PLEKHA7: variants seen among roughly 807,000 people sequenced by gnomAD.
PLEKHA7 encodes the protein pleckstrin homology domain-containing family A member 7.
A neutral mutation model predicts 170.0 loss-of-function variants in PLEKHA7; 104 were observed. The observed-to-expected ratio is 0.61, with a 90% CI of 0.52 to 0.72. The LOEUF is 0.72. PLEKHA7 is among the 30% of genes least tolerant of loss of function. The probability of loss-of-function intolerance (pLI) is 0.00; values close to 1 mark genes in which losing one functional copy is unlikely to be tolerated. For synonymous variants in PLEKHA7, 648 were observed against 660.8 expected (o/e 0.98, Z 0.30); for missense variants, 1,615 against 1,671.7 (o/e 0.97, Z 0.59).
At chr11:17,009,716 A>C (rs1022687458) in intron 3 of PLEKHA7, among the ~76,000 whole-genome samples, 1 of 151,946 alleles carries the variant, frequency 6.6e-6, no homozygotes, top group African/African-American at 2.4e-5. Flanking sequence ...GCTCATGGTA[A>C]ACTCAGACTC....
chr11:16,911,327 C>T lies in PLEKHA7; in HGVS notation c.222-40145G>A, dbSNP rs139215814. On this transcript the variant is annotated intron_variant, in intron 3 of 26. Transcript: ENST00000531066. ...CTGACAGGGCCAGGGAGCAGGCCAG[C>T]CATGAGACAGAAGCTAAGGGGCAGC... Among the ~76,000 whole-genome samples the T allele has an allele frequency of 6.3e-3, 965 of 152,260 alleles. 14 individuals carry two copies. Among genetic ancestry groups the T allele is most frequent in the African/African-American group, 0.022 (905 of 41,546 alleles).
chr11:16,832,860 G>A (rs16933508), intron 9 of PLEKHA7, among the ~76,000 whole-genome samples: 8,472 of 152,210 alleles, frequency 0.056, 758 homozygotes, highest in African/African-American at 0.19. Context: ...TGGGAAACCA[G>A]CTCAGCCTGT....
intron 3 of PLEKHA7, among the ~76,000 whole-genome samples, chr11:17,008,929 G>T (rs1323481303): frequency 6.6e-6 from 1 of 152,198 alleles, no homozygotes; most frequent in African/African-American, 2.4e-5. Flanking sequence ...CTGCCAAATT[G>T]TATTTACTAA....
chr11:16,825,661 A>G (rs1046522286), intron 10 of PLEKHA7, among the ~76,000 whole-genome samples: 2 of 152,280 alleles, frequency 1.3e-5, no homozygotes, highest in East Asian at 3.8e-4. Flanking sequence ...GCCCAATGTC[A>G]ACAGTGCCTA....
At chr11:16,872,524 A>G (rs887359799) in intron 3 of PLEKHA7, among the ~76,000 whole-genome samples, 1 of 152,130 alleles carries the variant, frequency 6.6e-6, no homozygotes, top group Non-Finnish European at 1.5e-5. Context: ...ATATGAATGT[A>G]AACAAAAATT....
chr11:16,787,706 C>G (rs1452681985), intron 23 of PLEKHA7: 1 of 152,142 alleles, frequency 6.6e-6, no homozygotes, highest in Admixed American at 6.5e-5. Flanking sequence ...GAGACTTACA[C>G]AAGTCTTCTT....
At chr11:16,897,098 G>A (rs1857041453) in intron 3 of PLEKHA7, among the ~76,000 whole-genome samples, 1 of 152,136 alleles carries the variant, frequency 6.6e-6, no homozygotes, top group South Asian at 2.1e-4. Flanking sequence ...AAAGTCTCAT[G>A]CAATGCAATG....
At chr11:16,930,734 G>A (rs952752344) in intron 3 of PLEKHA7, among the ~76,000 whole-genome samples, 1 of 152,152 alleles carries the variant, frequency 6.6e-6, no homozygotes, top group East Asian at 1.9e-4. Context: ...GTGAACAGAG[G>A]GGAGGAAAAT....
At chr11:16,867,276 G>T (rs909788477) in intron 4 of PLEKHA7, among the ~76,000 whole-genome samples, 1 of 152,190 alleles carries the variant, frequency 6.6e-6, no homozygotes, top group Non-Finnish European at 1.5e-5. Flanking sequence ...GTAGGCCTGG[G>T]GTGGGGCCAA....
At chr11:16,930,300 G>A (rs1411015361) in intron 3 of PLEKHA7, among the ~76,000 whole-genome samples, 1 of 152,056 alleles carries the variant, frequency 6.6e-6, no homozygotes, top group African/African-American at 2.4e-5. Context: ...AGTATAGGTA[G>A]ATGGGCATGG....
rs1856426343 is a variant in PLEKHA7 at position 16,889,107 on chromosome 11, T to C, written c.222-17925A>G. Among the ~76,000 whole-genome samples the C allele has an allele frequency of 2.0e-5, 3 of 151,684 alleles. 1 individual carries two copies. The South Asian group carries it at 6.2e-4, about 32-fold the overall frequency. Reference sequence around the variant, plus strand: ...CAAAAGAAGTAAAACAGCCAGTTCCTGCCTTAACTGATTAACCAACATTAC... The same window carrying C: ...CAAAAGAAGTAAAACAGCCAGTTCCCGCCTTAACTGATTAACCAACATTAC... On this transcript the variant is annotated intron_variant, in intron 3 of 26. Coordinates refer to ENST00000531066, the MANE Select transcript of PLEKHA7 (RefSeq NM_001329630.2).
At chr11:16,888,900 G>T (rs1189117753) in intron 3 of PLEKHA7, among the ~76,000 whole-genome samples, 1 of 65,842 alleles carries the variant, frequency 1.5e-5, no homozygotes, top group African/African-American at 3.7e-5. Context: ...TCAAGAGGGG[G>T]AAGATAAAAA....
At chr11:16,898,160 G>T (rs1400911499) in intron 3 of PLEKHA7, among the ~76,000 whole-genome samples, 1 of 151,934 alleles carries the variant, frequency 6.6e-6, no homozygotes, top group Non-Finnish European at 1.5e-5. Flanking sequence ...CATCCCCAAA[G>T]CCCACATTCT....
In PLEKHA7 at chr11:16,794,701, C is replaced by T. The variant is rs764643617; in HGVS notation, c.2532G>A (p.Val844=). 1 of 1,613,880 alleles carries T rather than the reference C, an allele frequency of 6.2e-7. No homozygotes were observed. Among genetic ancestry groups the T allele is most frequent in the South Asian group, 1.1e-5 (1 of 91,080 alleles). Residue 844 remains valine, a synonymous_variant, in exon 19 of 27, where the codon GTG becomes GTA. Transcript: ENST00000531066. The part of the protein sequence containing the change: ...ESVKNPERKT[V]PLFPHPPVPS... Reference sequence around the variant, plus strand: ...GCACAGGCGGGTGAGGAAACAAAGGCACCGTTTTTCTCTCTAAGGGGCATA... The same window carrying T: ...GCACAGGCGGGTGAGGAAACAAAGGTACCGTTTTTCTCTCTAAGGGGCATA...
intron 15 of PLEKHA7, 151 bp from the exon 16 acceptor site, chr11:16,801,968 G>T: frequency 1.1e-6 from 1 of 933,562 alleles, no homozygotes; most frequent in South Asian, 1.6e-5. Context: ...TCTGATGCCA[G>T]CTCTGACTCT....
chr11:16,852,270 C>T lies in PLEKHA7; in HGVS notation c.595+13G>A, dbSNP rs534969148. On this transcript the variant is annotated intron_variant, in intron 7 of 26. Transcript: ENST00000531066. ...AACACTTCGGCAGGGTAATAGGCTA[C>T]TTGTTAGCTCACCTTTATAGTAAAA... 1.2e-3 allele frequency: 1,959 copies of T among 1,613,420 alleles called. 52 individuals are homozygous for T. The South Asian group carries it at 0.02, about 17-fold the overall frequency.
At chr11:16,982,976 C>T (rs989023942) in intron 3 of PLEKHA7, among the ~76,000 whole-genome samples, 1 of 152,170 alleles carries the variant, frequency 6.6e-6, no homozygotes, top group Non-Finnish European at 1.5e-5. Flanking sequence ...TCACCCCTCA[C>T]CCTTCAGGAG....
chr11:16,919,037 C>T (rs1286958373), intron 3 of PLEKHA7, among the ~76,000 whole-genome samples: 6 of 152,072 alleles, frequency 3.9e-5, no homozygotes, highest in African/African-American at 1.4e-4. Flanking sequence ...ATGATGAAAC[C>T]CCATCTCTAC....
chr11:16,856,169 C>A lies in PLEKHA7; in HGVS notation c.306-255G>T, dbSNP rs557421182. ...CCAACAAAGGAGGACAGACTGTCATCCCTGCTGTTGTCTGGAAGTCCCCAC... is the reference window on the plus strand; with the variant it reads ...CCAACAAAGGAGGACAGACTGTCATACCTGCTGTTGTCTGGAAGTCCCCAC... On this transcript the variant is annotated intron_variant, in intron 4 of 26. Transcript: ENST00000531066. 1.4e-4 allele frequency among the ~76,000 whole-genome samples: 22 copies of A among 152,310 alleles called. No homozygotes were observed. In the East Asian group the frequency reaches 4.1e-3, roughly 28 times the overall value.
Sources: allele counts gnomAD v4.1 joint callset (sites outside exome capture counted in the v4.1 genomes callset), GRCh38; gene constraint gnomAD v4.1.1; transcripts MANE v1.5; gene names NCBI Gene and HGNC (gene_info 2026-07-23, HGNC 2026-07-21).